Variants in PHEX observed in about 807,000 individuals in gnomAD.
PHEX encodes phosphate-regulating neutral endopeptidase PHEX.
Under a neutral mutation model 68.0 loss-of-function variants are expected in PHEX, and 16 were observed. The ratio of observed to expected loss-of-function variants is 0.24; its 90% CI spans 0.16 to 0.36. The LOEUF (loss-of-function observed/expected upper bound fraction) is 0.36. Ranked by LOEUF, PHEX falls within the 10% of genes least tolerant of loss-of-function variation. PHEX has a pLI of 1.00. For synonymous variants in PHEX, 208 were observed against 205.1 expected (o/e 1.01, Z -0.12); for missense variants, 480 against 575.5 (o/e 0.83, Z 1.70).
In PHEX at chrX:22,248,717, A is replaced by G. The variant is rs887673685; in HGVS notation, c.*764A>G. 2 of 112,199 alleles carry G rather than the reference A, an allele frequency of 1.8e-5. No individual in the cohort carries two copies. The highest frequency in any genetic ancestry group is 3.8e-5 in the Non-Finnish European group (2 of 53,291). 9.2% of individuals were successfully genotyped at this position (112,199 alleles called of 1,213,427 possible). On this transcript the variant is annotated 3_prime_UTR_variant, in exon 22 of 22. Coordinates refer to ENST00000379374, the MANE Select transcript of PHEX (RefSeq NM_000444.6). Reference sequence around the variant, plus strand: ...AGAAGCAGCAAAACCTCCTAGTTACATAACAGCAGGGAAACTAGGAGATGA... The same window carrying G: ...AGAAGCAGCAAAACCTCCTAGTTACGTAACAGCAGGGAAACTAGGAGATGA...
intron 15 of PHEX, among the ~76,000 whole-genome samples, chrX:22,205,992 G>A (rs1934700430): frequency 8.9e-6 from 1 of 112,132 alleles, no homozygotes; most frequent in South Asian, 3.7e-4. Flanking sequence ...AGGGCTAAGA[G>A]GATACAGGAG....
At chrX:22,177,077 A>G (rs1309118790) in intron 13 of PHEX, among the ~76,000 whole-genome samples, 1 of 111,084 alleles carries the variant, frequency 9.0e-6, no homozygotes, top group African/African-American at 3.3e-5. Flanking sequence ...TCTCCTGGAA[A>G]GATTGTTAAG....
intron 20 of PHEX, among the ~76,000 whole-genome samples, chrX:22,242,034 T>C (rs1936224817): frequency 8.9e-6 from 1 of 111,788 alleles, no homozygotes; most frequent in African/African-American, 3.3e-5. Flanking sequence ...CTCAGTAAGA[T>C]ATTGGCAAAC....
chrX:22,175,047 C>T, intron 13 of PHEX, among the ~76,000 whole-genome samples: 1 of 111,537 alleles, frequency 9.0e-6, no homozygotes, highest in Non-Finnish European at 1.9e-5. Context: ...CAGTGACTGG[C>T]CCCTGCCTAC....
chrX:22,041,241 A>ATCTCTC lies in PHEX; in HGVS notation c.187+2724_187+2729dup, dbSNP rs778017024. Among the ~76,000 whole-genome samples, 403 of 51,088 alleles carry ATCTCTC rather than the reference A, an allele frequency of 7.9e-3. 6 individuals are homozygous for ATCTCTC. The highest frequency in any genetic ancestry group is 8.4e-3 in the Non-Finnish European group (256 of 30,386). The allele number at this position is 51,088 out of a possible 115,157, so 44.4% of individuals were successfully genotyped here. Reference sequence around the variant, plus strand: ...TCTTTTTTTGTTCCATTCTTAAGTGATCTCTCTCTCTCTCTCTCTCTCTCT... The same window carrying ATCTCTC: ...TCTTTTTTTGTTCCATTCTTAAGTGATCTCTCTCTCTCTCTCTCTCTCTCTCTCTCT... On this transcript the variant is annotated intron_variant, in intron 2 of 21. Transcript: ENST00000379374.
intron 10 of PHEX, among the ~76,000 whole-genome samples, chrX:22,112,214 A>C (rs1256694537): frequency 2.7e-5 from 3 of 110,673 alleles, no homozygotes; most frequent in South Asian, 7.7e-4. Flanking sequence ...TCCAGAGCTC[A>C]AGTGATCCTC....
At position 22,106,585 on chromosome X, in the gene PHEX, A is replaced by G. The variant is rs140986903; in HGVS notation, c.1080-4882A>G. 6.7e-3 allele frequency among the ~76,000 whole-genome samples: 741 copies of G among 109,944 alleles called. 7 individuals carry two copies. The highest frequency in any genetic ancestry group is 0.023 in the African/African-American group (691 of 30,091). On this transcript the variant is annotated intron_variant, in intron 9 of 21. Coordinates refer to ENST00000379374, the MANE Select transcript of PHEX (RefSeq NM_000444.6). ...CAGGAGTTTGAGACCAGCTTGGCAAAATCATGAAACCCTGTCTCTACCAAA... is the reference window on the plus strand; with the variant it reads ...CAGGAGTTTGAGACCAGCTTGGCAAGATCATGAAACCCTGTCTCTACCAAA...
intron 11 of PHEX, among the ~76,000 whole-genome samples, chrX:22,122,376 C>T (rs1292208469): frequency 9.0e-6 from 1 of 111,213 alleles, no homozygotes; most frequent in Non-Finnish European, 1.9e-5. Context: ...TGCTGAAGAC[C>T]TGTCCAAATT....
chrX:22,079,503 G>A (rs1466127048), intron 5 of PHEX, among the ~76,000 whole-genome samples: 1 of 110,699 alleles, frequency 9.0e-6, no homozygotes, highest in Non-Finnish European at 1.9e-5. Context: ...TAGTGGAAAG[G>A]ACTATTATCA....
intron 13 of PHEX, among the ~76,000 whole-genome samples, chrX:22,173,546 T>C (rs1172375889): frequency 9.1e-6 from 1 of 110,190 alleles, no homozygotes; most frequent in Non-Finnish European, 1.9e-5. Flanking sequence ...TTACTATTAA[T>C]GCCAAAAACT....
intron 20 of PHEX, among the ~76,000 whole-genome samples, chrX:22,238,988 A>C (rs1013343829): frequency 9.0e-6 from 1 of 111,718 alleles, no homozygotes; most frequent in East Asian, 2.8e-4. Flanking sequence ...TCTCACTAGC[A>C]TCTGGCAGGT....
chrX:22,036,066 T>A (rs1374833011), intron 1 of PHEX, among the ~76,000 whole-genome samples: 1 of 88,078 alleles, frequency 1.1e-5, no homozygotes, highest in East Asian at 3.4e-4. Context: ...TTTTTTTTTT[T>A]TTTTTTTTTT....
chrX:22,195,678 CCAGGTGTAAGA>C (rs1286570569), intron 15 of PHEX, among the ~76,000 whole-genome samples: 39 of 111,071 alleles, frequency 3.5e-4, no homozygotes, highest in African/African-American at 1.2e-3. Context: ...GTAAAAGAAG[CCAGGTGTAAGA>C]CTAAATACTG....
chrX:22,072,141 T>C (rs140759323), intron 3 of PHEX, among the ~76,000 whole-genome samples: 1 of 112,670 alleles, frequency 8.9e-6, no homozygotes. Flanking sequence ...GTCAGGAGAA[T>C]CGCTTGAACC....
intron 12 of PHEX, among the ~76,000 whole-genome samples, chrX:22,156,961 C>A (rs1932967897): frequency 9.0e-6 from 1 of 111,064 alleles, no homozygotes; most frequent in African/African-American, 3.3e-5. Context: ...TGGCTCACTG[C>A]AACCTCTGCC....
At chrX:22,204,724 C>T (rs370608950) in intron 15 of PHEX, among the ~76,000 whole-genome samples, 82 of 111,598 alleles carry the variant, frequency 7.3e-4, no homozygotes, top group African/African-American at 2.3e-3. Context: ...GATCATAAAA[C>T]GTATTCACTT....
chrX:22,224,435 C>G (rs1164662199), intron 18 of PHEX, among the ~76,000 whole-genome samples: 1 of 112,055 alleles, frequency 8.9e-6, no homozygotes, highest in Non-Finnish European at 1.9e-5. Context: ...AGCCCAGGTA[C>G]TGGGTTGTTC....
In PHEX at chrX:22,114,490, A is replaced by T; in HGVS notation, c.1206A>T (p.Gln402His). 1 of 1,197,575 alleles carries T rather than the reference A, an allele frequency of 8.4e-7. No homozygotes were observed. Among genetic ancestry groups the T allele is most frequent in the East Asian group, 3.0e-5 (1 of 33,782 alleles). Residue 402 changes from glutamine (Q) to histidine (H), a missense_variant, in exon 11 of 22, where the codon CAA becomes CAT. Gln to His is a conservative substitution (Grantham distance 24, BLOSUM62 0). Transcript: ENST00000379374. Reference sequence around the variant, plus strand: ...AGGGGACCACAACTTTGCTGCCTCAATGGGACAAATGTGTAAACTTTATTG... The same window carrying T: ...AGGGGACCACAACTTTGCTGCCTCATTGGGACAAATGTGTAAACTTTATTG... Reference protein sequence around the residue: ...VIQGTTTLLPQWDKCVNFIES... With the variant: ...VIQGTTTLLPHWDKCVNFIES...
Position 22,249,626 on chromosome X carries a change from C to G in PHEX, c.*1673C>G, listed in dbSNP as rs1220832840. The G allele has an allele frequency of 9.4e-6, 1 of 105,976 alleles. No homozygotes were observed. Among genetic ancestry groups the G allele is most frequent in the Non-Finnish European group, 1.9e-5 (1 of 51,864 alleles). The allele number at this position is 105,976 out of a possible 1,213,427, so 8.7% of individuals were successfully genotyped here. A position where few individuals can be genotyped will look rare whatever the true frequency, so the allele number is the denominator to read the frequency against. On this transcript the variant is annotated 3_prime_UTR_variant, in exon 22 of 22. Transcript: ENST00000379374. ...GAGCGATTTTCCCTTTGACTTCTTC[C>G]TCTCTGAATGGATAAACTTGTGAAG... is the stretch of plus-strand genomic sequence containing the variant.
Sources: allele counts gnomAD v4.1 joint callset (sites outside exome capture counted in the v4.1 genomes callset), GRCh38; gene constraint gnomAD v4.1.1; transcripts MANE v1.5; gene names NCBI Gene and HGNC (gene_info 2026-07-23, HGNC 2026-07-21).